The following DNAI7 variants were observed in gnomAD, a reference collection of about 807,000 sequenced individuals.
The protein encoded by DNAI7 is dynein axonemal intermediate chain 7.
A neutral mutation model predicts 86.6 loss-of-function variants in DNAI7; 78 were observed. The ratio of observed to expected loss-of-function variants is 0.90; its 90% CI spans 0.75 to 1.09. DNAI7 has a LOEUF of 1.09. Among genes scored for constraint, DNAI7 ranks in the 50% least tolerant of loss-of-function variants. The pLI, the probability that DNAI7 is intolerant of heterozygous loss-of-function variation, is 0.00. For missense variants in DNAI7, 753 were observed against 810.2 expected (o/e 0.93, Z 0.86); for synonymous variants, 274 against 273.0 (o/e 1.00, Z -0.04).
intron 11 of DNAI7, among the ~76,000 whole-genome samples, chr12:25,121,039 T>A (rs1941215325): frequency 1.3e-5 from 2 of 152,228 alleles, no homozygotes; most frequent in African/African-American, 4.8e-5. Flanking sequence ...TTTAGGACCA[T>A]ATTTTGTATG....
At chr12:25,125,624 T>G (rs1351483119) in intron 9 of DNAI7, among the ~76,000 whole-genome samples, 2 of 152,214 alleles carry the variant, frequency 1.3e-5, no homozygotes, top group African/African-American at 4.8e-5. Flanking sequence ...TAGATGCCAC[T>G]TAATCAATTT....
At chr12:25,129,620 T>C (rs1942605471) in intron 9 of DNAI7, among the ~76,000 whole-genome samples, 1 of 152,154 alleles carries the variant, frequency 6.6e-6, no homozygotes, top group South Asian at 2.1e-4. Flanking sequence ...GTCTCCATAC[T>C]TTTCCCTCTG....
intron 2 of DNAI7, among the ~76,000 whole-genome samples, chr12:25,189,983 C>A (rs1950360357): frequency 1.4e-5 from 1 of 69,910 alleles, no homozygotes. Flanking sequence ...AGGTTGGCAA[C>A]TGATTTAAAA....
chr12:25,126,326 G>C (rs1027180708), intron 9 of DNAI7, among the ~76,000 whole-genome samples: 2 of 152,126 alleles, frequency 1.3e-5, no homozygotes, highest in African/African-American at 4.8e-5. Flanking sequence ...CTCATAAAAG[G>C]CCTTCAGTAG....
intron 5 of DNAI7, among the ~76,000 whole-genome samples, chr12:25,154,737 C>T (rs941271904): frequency 2.6e-5 from 4 of 152,118 alleles, no homozygotes. Context: ...GCTTAGTTTT[C>T]CTCTCTAATC....
intron 9 of DNAI7, among the ~76,000 whole-genome samples, chr12:25,131,648 C>T (rs1427651141): frequency 1.3e-5 from 2 of 152,122 alleles, no homozygotes; most frequent in African/African-American, 4.8e-5. Context: ...CCAGCACACC[C>T]AACTGTAATG....
chr12:25,151,197 G>A (rs1945496079), intron 6 of DNAI7, among the ~76,000 whole-genome samples: 2 of 152,072 alleles, frequency 1.3e-5, no homozygotes, highest in South Asian at 4.1e-4. Flanking sequence ...TGGGGTCTTG[G>A]GCAAGTTATT....
At chr12:25,128,379 C>T (rs1382118837) in intron 9 of DNAI7, among the ~76,000 whole-genome samples, 4 of 152,126 alleles carry the variant, frequency 2.6e-5, no homozygotes, top group African/African-American at 9.7e-5. Flanking sequence ...TCATTCATTC[C>T]AGTGGCTTTA....
In DNAI7 at chr12:25,108,494, T is replaced by A; in HGVS notation, c.*54A>T. On this transcript the variant is annotated 3_prime_UTR_variant, in exon 16 of 16. Coordinates refer to ENST00000395987, the MANE Select transcript of DNAI7 (RefSeq NM_018272.5). The stretch of plus-strand genomic sequence containing the variant: ...CATTACATTGTGTTGCAGAAATACC[T>A]GTCTTTCACCATGCTTGGTTCTTCA... 1.4e-6 allele frequency: 2 copies of A among 1,457,716 alleles called. No individual in the cohort carries two copies. The highest frequency in any genetic ancestry group is 2.7e-5 in the South Asian group (2 of 75,378). 90.3% of individuals were successfully genotyped at this position (1,457,716 alleles called of 1,614,324 possible). A position where few individuals can be genotyped will look rare whatever the true frequency, so the allele number is the denominator to read the frequency against.
chr12:25,140,776 A>G (rs1450120019), intron 9 of DNAI7, among the ~76,000 whole-genome samples: 1 of 152,180 alleles, frequency 6.6e-6, no homozygotes, highest in Non-Finnish European at 1.5e-5. Flanking sequence ...AAAAAGAACA[A>G]ATCTGGAGGC....
Position 25,108,744 on chromosome 12 carries a change from C to CTT in DNAI7, c.1971_1972dup (p.Arg658LysfsTer3). ...CTCACTCTCTTCCTTGATCTTCAGT[C>CTT]TTTGTGCTCTGTCACCACTAAACAT... On this transcript the variant is annotated frameshift_variant, in exon 16 of 16. Coordinates refer to ENST00000395987, the MANE Select transcript of DNAI7 (RefSeq NM_018272.5). LOFTEE classifies it low-confidence loss of function (END_TRUNC). 6.7e-7 allele frequency: 1 copy of CTT among 1,502,354 alleles called. No homozygotes were observed. Among genetic ancestry groups the CTT allele is most frequent in the Non-Finnish European group, 9.0e-7 (1 of 1,114,250 alleles). The allele number at this position is 1,502,354 out of a possible 1,614,324, so 93.1% of individuals were successfully genotyped here. A position where few individuals can be genotyped will look rare whatever the true frequency, so the allele number is the denominator to read the frequency against.
chr12:25,109,301 A>C (rs1000729123), intron 15 of DNAI7, among the ~76,000 whole-genome samples: 46 of 152,230 alleles, frequency 3.0e-4, no homozygotes, highest in African/African-American at 8.0e-4. Context: ...GATAACAAGA[A>C]GGTATCAGGA....
At chr12:25,163,295 ACTGATGAC>A (rs1947042918) in intron 2 of DNAI7, among the ~76,000 whole-genome samples, 1 of 152,080 alleles carries the variant, frequency 6.6e-6, no homozygotes, top group African/African-American at 2.4e-5. Context: ...TCCTGCCTTA[ACTGATGAC>A]ATTCCGCCAC....
intron 1 of DNAI7, 111 bp downstream of exon 1, chr12:25,194,965 C>G: frequency 6.2e-7 from 1 of 1,614,242 alleles, no homozygotes; most frequent in Non-Finnish European, 8.5e-7. Context: ...ATTTCCCAAA[C>G]CGACCCGCTT....
In DNAI7 at chr12:25,174,389, G is replaced by GATATATATATCAT. The variant is rs374078515; in HGVS notation, c.22-13193_22-13192insATGATATATATAT. ...TATATATGTTATATCATATATATGG[G>GATATATATATCAT]ATATATCATATATATGGGATATATG... is the stretch of plus-strand genomic sequence containing the variant. On this transcript the variant is annotated intron_variant, in intron 2 of 15. Transcript: ENST00000395987. 1.6e-3 allele frequency among the ~76,000 whole-genome samples: 5 copies of GATATATATATCAT among 3,164 alleles called. 2 individuals carry two copies. The highest frequency in any genetic ancestry group is 0.015 in the African/African-American group (5 of 326). The allele number at this position is 3,164 out of a possible 152,430, so 2.1% of individuals were successfully genotyped here. A position where few individuals can be genotyped will look rare whatever the true frequency, so the allele number is the denominator to read the frequency against.
rs1269826394 is a variant in DNAI7 at position 25,193,143 on chromosome 12, CAAAAAGAAAAAAA to C, written c.3+1920_3+1932del. ...CCTAGGTGACAAAGCGAGACAGTCTCAAAAAGAAAAAAAAAAAAGAAAAAAAATTCATACGTTG... is the reference window on the plus strand; with the variant it reads ...CCTAGGTGACAAAGCGAGACAGTCTCAAAAAGAAAAAAAATTCATACGTTG... On this transcript the variant is annotated intron_variant, in intron 1 of 15. Transcript: ENST00000395987. Among the ~76,000 whole-genome samples the C allele has an allele frequency of 1.2e-4, 17 of 141,544 alleles. No homozygotes were observed. The South Asian group carries it at 3.3e-3, about 28-fold the overall frequency. The allele number at this position is 141,544 out of a possible 152,430, so 92.9% of individuals were successfully genotyped here.
In DNAI7 at chr12:25,120,580, G is replaced by C. The variant is rs543127233; in HGVS notation, c.1239+1173C>G. 1.0e-4 allele frequency among the ~76,000 whole-genome samples: 15 copies of C among 149,708 alleles called. No homozygotes were observed. The East Asian group carries it at 3.0e-3, about 30-fold the overall frequency. The stretch of plus-strand genomic sequence containing the variant: ...TACTAAAAATACAAAAAAAAAATTA[G>C]CCGGGCGTGGTAGCGGGCGCCTGTA... On this transcript the variant is annotated intron_variant, in intron 11 of 15. Transcript: ENST00000395987.
intron 2 of DNAI7, among the ~76,000 whole-genome samples, chr12:25,171,956 A>G (rs1948193602): frequency 6.6e-6 from 1 of 152,170 alleles, no homozygotes. Flanking sequence ...CATAAAAGGG[A>G]CATATCTTAA....
At chr12:25,142,495 T>TA (rs140708153) in intron 9 of DNAI7, among the ~76,000 whole-genome samples, 4,208 of 144,400 alleles carry the variant, frequency 0.029, 175 homozygotes, top group African/African-American at 0.097. Context: ...CCTTTTGAAA[T>TA]AAAAAAAAAA....
Sources: allele counts gnomAD v4.1 joint callset (sites outside exome capture counted in the v4.1 genomes callset), GRCh38; gene constraint gnomAD v4.1.1; transcripts MANE v1.5; gene names NCBI Gene and HGNC (gene_info 2026-07-23, HGNC 2026-07-21).